The following DGKB variants were observed in gnomAD, a reference collection of about 807,000 sequenced individuals.
DGKB encodes the protein 90 kDa diacylglycerol kinase.
Under a neutral mutation model 114.3 loss-of-function variants are expected in DGKB, and 67 were observed. The ratio of observed to expected loss-of-function variants is 0.59; its 90% CI spans 0.48 to 0.72. The LOEUF is 0.72. Ranked by LOEUF, DGKB falls within the 30% of genes least tolerant of loss-of-function variation. DGKB has a pLI of 0.00. For missense variants in DGKB, 907 were observed against 975.2 expected, an observed-to-expected ratio of 0.93 and a Z score of 0.93; for synonymous variants, 398 against 323.1, an observed-to-expected ratio of 1.23 and a Z score of -2.49.
At chr7:14,736,804 A>G (rs1586105739) in intron 4 of DGKB, among the ~76,000 whole-genome samples, 2 of 152,310 alleles carry the variant, frequency 1.3e-5, no homozygotes, top group Middle Eastern at 6.8e-3. Context: ...AACTATATAA[A>G]TGATTAGACA....
chr7:14,146,527 T>C lies in DGKB; in HGVS notation c.*2604A>G, dbSNP rs1187884870. ...AGCTAACAACATTCATCATTCAATA[T>C]TTTAATATACTATAGAATTTTCCTT... On this transcript the variant is annotated 3_prime_UTR_variant, in exon 26 of 26. Coordinates refer to ENST00000402815, the MANE Select transcript of DGKB (RefSeq NM_001350709.2). 1 of 152,184 alleles carries C rather than the reference T, an allele frequency of 6.6e-6. No individual in the cohort carries two copies. The highest frequency in any genetic ancestry group is 1.5e-5 in the Non-Finnish European group (1 of 68,022). The allele number at this position is 152,184 out of a possible 1,614,324, so 9.4% of individuals were successfully genotyped here.
intron 20 of DGKB, among the ~76,000 whole-genome samples, chr7:14,537,980 T>C (rs1202403214): frequency 1.3e-5 from 2 of 148,822 alleles, no homozygotes; most frequent in Non-Finnish European, 3.0e-5. Flanking sequence ...CTCAGGAGGC[T>C]GAGGCAGGAG....
At chr7:14,470,453 T>C (rs1403862773) in intron 21 of DGKB, among the ~76,000 whole-genome samples, 1 of 151,856 alleles carries the variant, frequency 6.6e-6, no homozygotes, top group African/African-American at 2.4e-5. Context: ...AATACCTGAA[T>C]GATGACATTG....
At chr7:14,637,370 T>A (rs1317040094) in intron 13 of DGKB, among the ~76,000 whole-genome samples, 4 of 151,916 alleles carry the variant, frequency 2.6e-5, no homozygotes, top group African/African-American at 9.7e-5. Flanking sequence ...TAAGTAGACA[T>A]GCACCACTTT....
At chr7:14,443,242 T>C (rs1248032618) in intron 21 of DGKB, among the ~76,000 whole-genome samples, 1 of 152,130 alleles carries the variant, frequency 6.6e-6, no homozygotes, top group Non-Finnish European at 1.5e-5. Context: ...CTTAGAACCA[T>C]CAGATCCCAT....
At chr7:14,685,967 A>G (rs1281828258) in intron 9 of DGKB, among the ~76,000 whole-genome samples, 1 of 152,204 alleles carries the variant, frequency 6.6e-6, no homozygotes, top group Non-Finnish European at 1.5e-5. Flanking sequence ...GTATGCCACA[A>G]ATAGTATATT....
chr7:14,264,903 G>A (rs772356776), intron 23 of DGKB, among the ~76,000 whole-genome samples: 2 of 152,082 alleles, frequency 1.3e-5, no homozygotes, highest in Admixed American at 1.3e-4. Context: ...ATGTGTGAAG[G>A]GTTGTCATAC....
In DGKB at chr7:14,274,942, AGTGTGTGT is replaced by A. The variant is rs10538591; in HGVS notation, c.2122+63565_2122+63572del. 3.3e-3 allele frequency among the ~76,000 whole-genome samples: 484 copies of A among 146,390 alleles called. 3 individuals carry two copies. Among genetic ancestry groups the A allele is most frequent in the African/African-American group, 0.011 (445 of 40,160 alleles). ...TGGGGGGTGCACTTCAGTCCATAGC[AGTGTGTGT>A]GTGTGTGTGTGTGTGTGTGTGTGTT... On this transcript the variant is annotated intron_variant, in intron 23 of 25. Coordinates refer to ENST00000402815, the MANE Select transcript of DGKB (RefSeq NM_001350709.2).
At chr7:14,612,839 G>T (rs144419272) in intron 16 of DGKB, among the ~76,000 whole-genome samples, 2,274 of 152,232 alleles carry the variant, frequency 0.015, 27 homozygotes, top group Non-Finnish European at 0.025. Flanking sequence ...CAGCCAGAAT[G>T]CTGAAATACC....
intron 1 of DGKB, among the ~76,000 whole-genome samples, chr7:14,950,255 A>G (rs1432165673): frequency 6.6e-6 from 1 of 152,008 alleles, no homozygotes; most frequent in Non-Finnish European, 1.5e-5. Context: ...TGCAGCTAAT[A>G]CAATGTCTAA....
intron 25 of DGKB, among the ~76,000 whole-genome samples, chr7:14,153,110 C>T (rs2128214955): frequency 6.6e-6 from 1 of 152,212 alleles, no homozygotes; most frequent in African/African-American, 2.4e-5. Context: ...AGACTTTGTT[C>T]AGCCCAACTA....
intron 1 of DGKB, among the ~76,000 whole-genome samples, chr7:14,874,495 C>G (rs1009349541): frequency 2.6e-5 from 4 of 151,794 alleles, no homozygotes; most frequent in African/African-American, 7.3e-5. Context: ...CAAAATCTTA[C>G]GAGATTATAG....
rs372985450 is a variant in DGKB, at chr7:14,792,347, G to C, written c.71-34616C>G. On this transcript the variant is annotated intron_variant, in intron 2 of 25. Coordinates refer to ENST00000402815, the MANE Select transcript of DGKB (RefSeq NM_001350709.2). ...TTTAAAATAGCCTTTATTATCACCAGCACTCTTATCCTTTATTCATAAATT... is the reference window on the plus strand; with the variant it reads ...TTTAAAATAGCCTTTATTATCACCACCACTCTTATCCTTTATTCATAAATT... Among the ~76,000 whole-genome samples, 5 of 152,058 alleles carry C rather than the reference G, an allele frequency of 3.3e-5. No homozygotes were observed. The East Asian group carries it at 7.7e-4, about 23-fold the overall frequency.
In DGKB at chr7:14,149,089, C is replaced by CAAT. The variant is rs1562471070; in HGVS notation, c.*39_*41dup. Reference sequence around the variant, plus strand: ...TTTCCAGCATATGTGTTCCATGGCCCAATTATGCTAATTCAATTTCTAAGA... The same window carrying CAAT: ...TTTCCAGCATATGTGTTCCATGGCCCAATAATTATGCTAATTCAATTTCTAAGA... On this transcript the variant is annotated 3_prime_UTR_variant, in exon 26 of 26. Transcript: ENST00000402815. The CAAT allele has an allele frequency of 1.3e-6, 2 of 1,527,696 alleles. No homozygotes were observed. The highest frequency in any genetic ancestry group is 3.3e-5 in the Admixed American group (2 of 59,782). 94.6% of individuals were successfully genotyped at this position (1,527,696 alleles called of 1,614,324 possible). A position where few individuals can be genotyped will look rare whatever the true frequency, so the allele number is the denominator to read the frequency against.
chr7:14,613,548 TGTGTGTGTGA>T (rs940033704), intron 15 of DGKB, 135 bp from the exon 16 acceptor site: 1 of 600,966 alleles, frequency 1.7e-6, no homozygotes, highest in Non-Finnish European at 3.0e-6. Context: ...TGTGTGTGCA[TGTGTGTGTGA>T]GTGTGTGCGT....
At chr7:14,299,497 C>T (rs1300513751) in intron 23 of DGKB, among the ~76,000 whole-genome samples, 3 of 152,022 alleles carry the variant, frequency 2.0e-5, no homozygotes, top group African/African-American at 7.2e-5. Flanking sequence ...AGTTTTGTTG[C>T]AATACAGAAA....
At chr7:14,908,389 A>G (rs1783819907) in intron 1 of DGKB, among the ~76,000 whole-genome samples, 1 of 152,156 alleles carries the variant, frequency 6.6e-6, no homozygotes, top group South Asian at 2.1e-4. Context: ...CTGCACACAG[A>G]AGGCACTGAA....
intron 2 of DGKB, among the ~76,000 whole-genome samples, chr7:14,818,455 T>C (rs1198146448): frequency 6.6e-6 from 1 of 152,116 alleles, no homozygotes; most frequent in Non-Finnish European, 1.5e-5. Flanking sequence ...GCCCACTGTG[T>C]TCCCCAGCGG....
At chr7:14,672,837 T>C (rs773398527) in intron 13 of DGKB, 92 bp downstream of exon 13, 1 of 689,828 alleles carries the variant, frequency 1.4e-6, no homozygotes, top group South Asian at 2.3e-5. Context: ...CCTTGATTGA[T>C]GAAAAATTAT....
Sources: allele counts gnomAD v4.1 joint callset (sites outside exome capture counted in the v4.1 genomes callset), GRCh38; gene constraint gnomAD v4.1.1; transcripts MANE v1.5; gene names NCBI Gene and HGNC (gene_info 2026-07-23, HGNC 2026-07-21).